The following TMEM272 variants were observed in gnomAD, a reference collection of about 807,000 sequenced individuals.
TMEM272 encodes long intergenic non-protein coding RNA 282.
In TMEM272, 8 loss-of-function variants were observed where a neutral mutation model predicts 3.7. That is an observed-to-expected ratio of 2.17 (90% CI 1.27 to 3.91). The LOEUF is 3.91. TMEM272 is among the 30% of genes most tolerant of loss of function. The pLI, the probability that TMEM272 is intolerant of heterozygous loss-of-function variation, is 0.00. For missense variants in TMEM272, 166 were observed against 91.5 expected, an observed-to-expected ratio of 1.81 and a Z score of -3.32; for synonymous variants, 63 against 39.8, an observed-to-expected ratio of 1.58 and a Z score of -2.20.
the TMEM272 span, among the ~76,000 whole-genome samples, chr13:51,892,955 C>T: frequency 1.3e-5 from 2 of 152,224 alleles, no homozygotes; most frequent in African/African-American, 2.4e-5. Context: ...CTTTACTGCA[C>T]CCTGACTACA....
chr13:51,915,413 TA>T, the TMEM272 span, among the ~76,000 whole-genome samples: 3 of 152,238 alleles, frequency 2.0e-5, no homozygotes, highest in African/African-American at 7.2e-5. Context: ...ATGATGTGCT[TA>T]AAAGTATATA....
chr13:51,891,373 G>A, the TMEM272 span, among the ~76,000 whole-genome samples: 8 of 152,268 alleles, frequency 5.3e-5, no homozygotes, highest in African/African-American at 1.9e-4. Context: ...TTACCTGACA[G>A]ATTCCTATTA....
At chr13:51,818,978 T>C (rs1476412060) in intron 4 of TMEM272, among the ~76,000 whole-genome samples, 4 of 152,176 alleles carry the variant, frequency 2.6e-5, no homozygotes, top group Non-Finnish European at 5.9e-5. Flanking sequence ...TACACCACAG[T>C]ACACTGATGA....
the TMEM272 span, among the ~76,000 whole-genome samples, chr13:51,931,125 G>A: frequency 2.0e-5 from 3 of 152,050 alleles, no homozygotes; most frequent in African/African-American, 7.2e-5. Flanking sequence ...AGTATCCAAA[G>A]GATTATAAAT....
chr13:51,866,024 C>T, the TMEM272 span: 8 of 1,607,356 alleles, frequency 5.0e-6, no homozygotes, highest in Non-Finnish European at 6.8e-6. Context: ...CGAAGATGGG[C>T]CCCACAACGC....
At chr13:51,863,609 G>A in the TMEM272 span, among the ~76,000 whole-genome samples, 1 of 151,746 alleles carries the variant, frequency 6.6e-6, no homozygotes, top group African/African-American at 2.4e-5. Context: ...GTGACTGGAT[G>A]GATGGTGATG....
the TMEM272 span, among the ~76,000 whole-genome samples, chr13:51,912,447 C>T: frequency 8.1e-3 from 1,234 of 152,298 alleles, 21 homozygotes; most frequent in South Asian, 0.067. Flanking sequence ...AGTACATTCT[C>T]GGGAAACTGA....
chr13:51,921,054 G>C, the TMEM272 span, among the ~76,000 whole-genome samples: 1 of 152,316 alleles, frequency 6.6e-6, no homozygotes, highest in Middle Eastern at 3.4e-3. Context: ...AGAGGAGCTA[G>C]GCAGAGAGCT....
chr13:51,816,192 T>C lies in TMEM272; in HGVS notation c.*559A>G, dbSNP rs1158745301. ...CACCCATCACGTCAAACCTATCTGA[T>C]ATAGGGCTGGAAGAGACTGCTCCTT... is the stretch of plus-strand genomic sequence containing the variant. On this transcript the variant is annotated 3_prime_UTR_variant, in exon 5 of 5. Transcript: ENST00000629372. 4 of 154,942 alleles carry C rather than the reference T, an allele frequency of 2.6e-5. No homozygotes were observed. Among genetic ancestry groups the C allele is most frequent in the African/African-American group, 9.6e-5 (4 of 41,478 alleles). The allele number at this position is 154,942 out of a possible 1,614,324, so 9.6% of individuals were successfully genotyped here. A position where few individuals can be genotyped will look rare whatever the true frequency, so the allele number is the denominator to read the frequency against.
chr13:51,816,541 C>A lies in TMEM272; in HGVS notation c.*210G>T. ...CTGAAAAGAGCAGAAGTGATTTCCC[C>A]ATGTCTAGGAAGGCAAGAGTTTCTT... On this transcript the variant is annotated 3_prime_UTR_variant, in exon 5 of 5. Coordinates refer to ENST00000629372, the MANE Select transcript of TMEM272 (RefSeq NM_001351003.2). The A allele has an allele frequency of 2.0e-6, 1 of 496,512 alleles. No individual in the cohort carries two copies. Among genetic ancestry groups the A allele is most frequent in the Non-Finnish European group, 3.6e-6 (1 of 278,576 alleles). 30.8% of individuals were successfully genotyped at this position (496,512 alleles called of 1,614,324 possible).
intron 2 of TMEM272, among the ~76,000 whole-genome samples, chr13:51,827,530 G>A (rs1956137386): frequency 6.6e-6 from 1 of 152,090 alleles, no homozygotes; most frequent in Non-Finnish European, 1.5e-5. Flanking sequence ...TTTTGAAAGT[G>A]TGAATTTGAA....
chr13:51,929,069 T>C, the TMEM272 span, among the ~76,000 whole-genome samples: 1 of 152,116 alleles, frequency 6.6e-6, no homozygotes, highest in African/African-American at 2.4e-5. Flanking sequence ...TGGTGGTGCA[T>C]GCCTGTAGTT....
the TMEM272 span, among the ~76,000 whole-genome samples, chr13:51,884,426 T>C: frequency 1.3e-5 from 2 of 152,226 alleles, no homozygotes; most frequent in African/African-American, 4.8e-5. Context: ...TTATATTTCA[T>C]AGGGTTAGTT....
At chr13:51,930,141 T>C in the TMEM272 span, among the ~76,000 whole-genome samples, 3 of 150,984 alleles carry the variant, frequency 2.0e-5, no homozygotes, top group African/African-American at 7.3e-5. Flanking sequence ...CCCCCCCACT[T>C]TCTATATTTC....
chr13:51,829,731 A>G (rs1363653319), intron 2 of TMEM272, among the ~76,000 whole-genome samples: 2 of 152,204 alleles, frequency 1.3e-5, no homozygotes, highest in African/African-American at 4.8e-5. Context: ...TGAGTGACAC[A>G]AAGAAATGGA....
chr13:51,892,794 C>G, the TMEM272 span, among the ~76,000 whole-genome samples: 2 of 152,150 alleles, frequency 1.3e-5, no homozygotes, highest in Non-Finnish European at 1.5e-5. Flanking sequence ...GGTCTGGTGG[C>G]TCAGTCCCCT....
chr13:51,840,312 C>T (rs867658094), intron 1 of TMEM272, among the ~76,000 whole-genome samples: 11 of 152,278 alleles, frequency 7.2e-5, no homozygotes, highest in Middle Eastern at 3.4e-3. Context: ...CCTGGTCAGT[C>T]CTGTCATGCT....
At chr13:51,899,570 T>C in the TMEM272 span, among the ~76,000 whole-genome samples, 1 of 152,142 alleles carries the variant, frequency 6.6e-6, no homozygotes, top group African/African-American at 2.4e-5. Flanking sequence ...GACGGCAATA[T>C]TTCCCAAATT....
chr13:51,878,112 AG>A, the TMEM272 span, among the ~76,000 whole-genome samples: 1 of 152,200 alleles, frequency 6.6e-6, no homozygotes, highest in Non-Finnish European at 1.5e-5. Context: ...TGCCAAGCAA[AG>A]TGGGGGAAAC....
Sources: allele counts gnomAD v4.1 joint callset (sites outside exome capture counted in the v4.1 genomes callset), GRCh38; gene constraint gnomAD v4.1.1; transcripts MANE v1.5; gene names NCBI Gene and HGNC (gene_info 2026-07-23, HGNC 2026-07-21).